The following VPS13D variants were observed in gnomAD, a reference collection of about 807,000 sequenced individuals.
The protein encoded by VPS13D is vacuolar protein sorting 13 homolog D.
VPS13D carries 187 observed loss-of-function variants against 461.9 expected under a neutral mutation model. The observed-to-expected ratio is 0.40, with a 90% CI of 0.36 to 0.46. The LOEUF is 0.46. Ranked by LOEUF, VPS13D falls within the 20% of genes least tolerant of loss-of-function variation. VPS13D has a pLI of 0.60. For synonymous variants in VPS13D, 1,951 were observed against 1,986.3 expected (o/e 0.98, Z 0.47); for missense variants, 4,711 against 5,364.9 (o/e 0.88, Z 3.81).
chr1:12,487,117 C>A (rs1250491803), intron 67 of VPS13D, among the ~76,000 whole-genome samples: 2 of 152,104 alleles, frequency 1.3e-5, no homozygotes. Context: ...GAAACAGATT[C>A]TCTTTAAAAA....
chr1:12,233,611 A>G (rs1640054806), intron 1 of VPS13D, among the ~76,000 whole-genome samples: 2 of 152,244 alleles, frequency 1.3e-5, no homozygotes, highest in Non-Finnish European at 2.9e-5. Context: ...TTACACTGAA[A>G]AGATAGACAG....
intron 67 of VPS13D, among the ~76,000 whole-genome samples, chr1:12,493,482 CA>C (rs899634441): frequency 0.087 from 4,796 of 55,442 alleles, 111 homozygotes; most frequent in Admixed American, 0.22. Flanking sequence ...GACTCCATCT[CA>C]AAAAAAAAAA....
rs1189145493 is a variant in VPS13D at position 12,318,334 on chromosome 1, A to G, written c.7411A>G (p.Thr2471Ala). 6.2e-7 allele frequency: 1 copy of G among 1,607,724 alleles called. No homozygotes were observed. The highest frequency in any genetic ancestry group is 1.7e-5 in the Admixed American group (1 of 59,946). The part of the protein sequence containing the change: ...ERHLEVKVNV[T>A]GTEFVVIEDV... ...GCACCTGGAGGTCAAGGTCAATGTA[A>G]CAGGTGATTATATGTGGGTGTGATT... The change falls in exon 31 of 70, where the codon ACA becomes GCA. Residue 2471 changes from threonine (T) to alanine (A), a missense_variant. Thr to Ala is a moderately conservative substitution (Grantham distance 58). Around this residue, in one of 3 missense-constraint regions of VPS13D, gnomAD observed 4,411 missense variants for 4,937.8 expected, o/e 0.89. Transcript: ENST00000620676.
intron 67 of VPS13D, among the ~76,000 whole-genome samples, chr1:12,484,692 C>G (rs183032711): frequency 3.1e-4 from 47 of 152,354 alleles, no homozygotes; most frequent in African/African-American, 1.1e-3. Flanking sequence ...GGTGGCCCAG[C>G]AGTCTCAATC....
At chr1:12,493,646 C>T (rs1025211696) in intron 67 of VPS13D, among the ~76,000 whole-genome samples, 5 of 152,308 alleles carry the variant, frequency 3.3e-5, no homozygotes, top group East Asian at 1.9e-4. Flanking sequence ...CCTACTTGAA[C>T]GTACAGTGTC....
chr1:12,463,839 A>G lies in VPS13D; in HGVS notation c.12662+3443A>G, dbSNP rs932976392. Among the ~76,000 whole-genome samples the G allele has an allele frequency of 4.6e-5, 7 of 152,200 alleles. No homozygotes were observed. In the East Asian group the frequency reaches 1.3e-3, roughly 29 times the overall value. On this transcript the variant is annotated intron_variant, in intron 67 of 69. Transcript: ENST00000620676. The stretch of plus-strand genomic sequence containing the variant: ...TTAGCTTTGGGCCCTGGGTCAAGTC[A>G]AGACATCTATGTAAGACTCAGTTTT...
Position 12,311,915 on chromosome 1 carries a change from T to C in VPS13D, c.6925T>C (p.Ser2309Pro). 6.2e-7 allele frequency: 1 copy of C among 1,613,614 alleles called. No individual in the cohort carries two copies. The highest frequency in any genetic ancestry group is 8.5e-7 in the Non-Finnish European group (1 of 1,179,636). Residue 2309 changes from serine to proline, a missense_variant, in exon 29 of 70, where the codon TCC becomes CCC. Physicochemically the swap from Ser to Pro is moderately conservative, Grantham distance 74. This residue lies in a region of VPS13D where 4,411 missense variants were observed against 4,937.8 expected (regional missense o/e 0.89). Transcript: ENST00000620676. ...KDPKRKEGAG[S>P]LARFDFKKCK... ...TCCAAAAAGAAAAGAAGGTGCTGGG[T>C]CCCTAGCCAGGTATGCCTTTGATTA...
chr1:12,267,933 A>G lies in VPS13D; in HGVS notation c.1801+13A>G, dbSNP rs372928274. 4 of 1,588,742 alleles carry G rather than the reference A, an allele frequency of 2.5e-6. No homozygotes were observed. The East Asian group carries it at 6.7e-5, about 27-fold the overall frequency. ...GATCATTACCCAGGTAATTTGTCCT[A>G]TGTTGTTTTTTTAAAATTTTTAAAT... On this transcript the variant is annotated intron_variant, in intron 15 of 69. Coordinates refer to ENST00000620676, the MANE Select transcript of VPS13D (RefSeq NM_015378.4).
At position 12,335,363 on chromosome 1, in the gene VPS13D, G is replaced by A. The variant is rs758614192; in HGVS notation, c.8429-342G>A. On this transcript the variant is annotated intron_variant, in intron 38 of 69. Transcript: ENST00000620676. ...ATTACAGGCGTGAGCCACCGCGTCCGGCCTCCATATAAATTTTAGATTCAG... is the reference window on the plus strand; with the variant it reads ...ATTACAGGCGTGAGCCACCGCGTCCAGCCTCCATATAAATTTTAGATTCAG... Among the ~76,000 whole-genome samples the A allele has an allele frequency of 3.9e-5, 6 of 152,144 alleles. No homozygotes were observed. The East Asian group carries it at 5.8e-4, about 15-fold the overall frequency.
Position 12,244,563 on chromosome 1 carries a change from CTAT to C in VPS13D, c.395_397del (p.Tyr132del), listed in dbSNP as rs752475359. On this transcript the variant is annotated inframe_deletion, in exon 5 of 70. Coordinates refer to ENST00000620676, the MANE Select transcript of VPS13D (RefSeq NM_015378.4). ...ATGACCGCCAGCAGAAAGGGGAGTC[CTAT>C]TGGTATTCAGTTACCGCCTCCGTAG... is the stretch of plus-strand genomic sequence containing the variant. The C allele has an allele frequency of 1.2e-6, 2 of 1,614,166 alleles. No homozygotes were observed. The highest frequency in any genetic ancestry group is 1.7e-6 in the Non-Finnish European group (2 of 1,180,020).
intron 21 of VPS13D, among the ~76,000 whole-genome samples, chr1:12,286,491 G>A (rs574456114): frequency 3.9e-5 from 6 of 152,242 alleles, no homozygotes; most frequent in Non-Finnish European, 8.8e-5. Flanking sequence ...CAACCCCACC[G>A]CCTATTGACT....
At position 12,279,902 on chromosome 1, in the gene VPS13D, C is replaced by T. The variant is rs760749658; in HGVS notation, c.4602+252C>T. ...GAGGAAGACGGCAGATTCTTAATTC[C>T]ATTGACATTCAGAAATGGGGAAATG... is the stretch of plus-strand genomic sequence containing the variant. On this transcript the variant is annotated intron_variant, in intron 20 of 69. Coordinates refer to ENST00000620676, the MANE Select transcript of VPS13D (RefSeq NM_015378.4). The surrounding 1 kb of genome is among the most constrained non-coding windows in gnomAD (Gnocchi z 4.3). Among the ~76,000 whole-genome samples, 1 of 152,086 alleles carries T rather than the reference C, an allele frequency of 6.6e-6. No individual in the cohort carries two copies. Among genetic ancestry groups the T allele is most frequent in the African/African-American group, 2.4e-5 (1 of 41,416 alleles).
In VPS13D at chr1:12,260,810, C is replaced by T; in HGVS notation, c.1212+16C>T. ...ACTAGCAGAGGTAAGAAATCCTCTA[C>T]AAGAGGATTTGTTCAGACCCAGCAC... On this transcript the variant is annotated intron_variant, in intron 11 of 69. Transcript: ENST00000620676. 6.2e-7 allele frequency: 1 copy of T among 1,610,112 alleles called. No individual in the cohort carries two copies. The highest frequency in any genetic ancestry group is 8.5e-7 in the Non-Finnish European group (1 of 1,176,310).
chr1:12,329,582 A>C (rs1351082747), intron 36 of VPS13D, among the ~76,000 whole-genome samples: 1 of 152,228 alleles, frequency 6.6e-6, no homozygotes, highest in Non-Finnish European at 1.5e-5. Context: ...GTGGGAAGGC[A>C]AATGAGGTAC....
chr1:12,450,427 A>G (rs1645247840), intron 65 of VPS13D, among the ~76,000 whole-genome samples: 1 of 152,230 alleles, frequency 6.6e-6, no homozygotes, highest in South Asian at 2.1e-4. Flanking sequence ...TTGCAGCTGT[A>G]CAACCTTGTA....
intron 3 of VPS13D, among the ~76,000 whole-genome samples, chr1:12,243,576 G>A (rs1640449621): frequency 1.3e-5 from 2 of 152,176 alleles, no homozygotes; most frequent in South Asian, 4.1e-4. Flanking sequence ...AGGATCACTT[G>A]AGGCCAGGAG....
chr1:12,249,423 G>A (rs2101230672), intron 6 of VPS13D, 84 bp downstream of exon 6: 1 of 1,067,382 alleles, frequency 9.4e-7, no homozygotes, highest in East Asian at 2.5e-5. Flanking sequence ...TTTGTGTTAT[G>A]TAAATGAATC....
rs745514248 is a variant in VPS13D at position 12,318,123 on chromosome 1, G to C, written c.7200G>C (p.Val2400=). 6.2e-7 allele frequency: 1 copy of C among 1,614,026 alleles called. No homozygotes were observed. The highest frequency in any genetic ancestry group is 8.5e-7 in the Non-Finnish European group (1 of 1,179,964). Reference sequence around the variant, plus strand: ...CAGTAGTTCTCAACAATCTCCGTGTGTTTCTCATATTTGACTGGCTACTGT... The same window carrying C: ...CAGTAGTTCTCAACAATCTCCGTGTCTTTCTCATATTTGACTGGCTACTGT... ...CFTVVLNNLR[V]FLIFDWLLLV... is the part of the protein sequence containing the mutation. Residue 2400 remains valine (V), a synonymous_variant, in exon 31 of 70, where the codon GTG becomes GTC. Transcript: ENST00000620676.
chr1:12,253,360 G>C (rs1640803078), intron 6 of VPS13D, among the ~76,000 whole-genome samples: 1 of 152,142 alleles, frequency 6.6e-6, no homozygotes, highest in South Asian at 2.1e-4. Flanking sequence ...ACTCCCTGCT[G>C]ATACTGAGGG....
Sources: gnomAD v4.1 joint callset for allele counts (sites outside exome capture counted in the v4.1 genomes callset) on GRCh38, gnomAD v4.1.1 for gene constraint, gnomAD v4.1.1 regional missense constraint, Gnocchi (gnomAD v3.1) non-coding constraint, MANE v1.5 for transcripts, NCBI Gene and HGNC (gene_info 2026-07-23, HGNC 2026-07-21) for gene names.